Variants in CSNK1A1 observed in about 807,000 individuals in gnomAD.
CSNK1A1 encodes the protein casein kinase I isoform alpha.
In CSNK1A1, 7 loss-of-function variants were observed where a neutral mutation model predicts 46.1. The observed-to-expected ratio is 0.15, with a 90% confidence interval of 0.09 to 0.29. CSNK1A1 has a LOEUF of 0.29. CSNK1A1 is among the 10% of genes least tolerant of loss of function. The pLI is 1.00. For missense variants in CSNK1A1, 96 were observed against 417.1 expected (o/e 0.23, Z 6.71); for synonymous variants, 137 against 141.5 (o/e 0.97, Z 0.23).
At chr5:149,540,932 T>G (rs1762209110) in intron 2 of CSNK1A1, among the ~76,000 whole-genome samples, 1 of 151,372 alleles carries the variant, frequency 6.6e-6, no homozygotes, top group African/African-American at 2.4e-5. Flanking sequence ...CAAAAAAAAT[T>G]AGCCGGGTAT....
intron 4 of CSNK1A1, among the ~76,000 whole-genome samples, chr5:149,515,371 A>G (rs1761367464): frequency 1.3e-5 from 2 of 152,224 alleles, no homozygotes; most frequent in South Asian, 4.1e-4. Flanking sequence ...CAACCAAAAG[A>G]CTGCTTTATA....
intron 9 of CSNK1A1, chr5:149,503,129 T>C (rs1760924669): frequency 1.0e-6 from 1 of 985,316 alleles, no homozygotes; most frequent in Admixed American, 6.1e-5. Flanking sequence ...TTAAATGCCC[T>C]TGTTACTTAG....
At chr5:149,518,739 G>C (rs927449630) in intron 4 of CSNK1A1, among the ~76,000 whole-genome samples, 2 of 150,778 alleles carry the variant, frequency 1.3e-5, no homozygotes, top group African/African-American at 4.9e-5. Context: ...TTCACCACTA[G>C]ATAACTTACA....
intron 9 of CSNK1A1, chr5:149,499,285 C>A: frequency 1.1e-6 from 1 of 875,968 alleles, no homozygotes; most frequent in Non-Finnish European, 1.3e-6. Flanking sequence ...GGAATGAATC[C>A]CTTTATTCCT....
At chr5:149,544,737 T>TTATA (rs375444306) in intron 2 of CSNK1A1, among the ~76,000 whole-genome samples, 8,256 of 80,554 alleles carry the variant, frequency 0.1, 629 homozygotes, top group African/African-American at 0.12. Flanking sequence ...GTAAAGAGCT[T>TTATA]TATATATATA....
At chr5:149,501,347 G>C (rs1373548440) in intron 9 of CSNK1A1, 1 of 985,310 alleles carries the variant, frequency 1.0e-6, no homozygotes, top group Non-Finnish European at 1.2e-6. Context: ...TGTATTCAGA[G>C]CAGTGTGTTC....
At chr5:149,511,555 T>C (rs1469642906) in intron 6 of CSNK1A1, among the ~76,000 whole-genome samples, 1 of 152,210 alleles carries the variant, frequency 6.6e-6, no homozygotes, top group East Asian at 1.9e-4. Flanking sequence ...AGCTAGTGGC[T>C]ACCAGTGGGT....
Position 149,505,444 on chromosome 5 carries a change from A to G in CSNK1A1, c.1006+3T>C. On this transcript the variant is annotated splice_donor_region_variant and intron_variant, in intron 9 of 9. Transcript: ENST00000377843. ...TAACGTCACTTGGTTCTTGGCTACT[A>G]ACCTTTCATGTTACTCTTGGTTTTG... 1 of 1,613,082 alleles carries G rather than the reference A, an allele frequency of 6.2e-7. No homozygotes were observed. Among genetic ancestry groups the G allele is most frequent in the Non-Finnish European group, 8.5e-7 (1 of 1,179,438 alleles).
At chr5:149,532,252 G>C (rs1156335647) in intron 2 of CSNK1A1, among the ~76,000 whole-genome samples, 1 of 152,088 alleles carries the variant, frequency 6.6e-6, no homozygotes, top group African/African-American at 2.4e-5. Flanking sequence ...GTAGTAATGA[G>C]TGTAAACTAT....
rs374341495 is a variant in CSNK1A1 at position 149,499,062 on chromosome 5, T to C, written c.1007-2202A>G. 6.3e-5 allele frequency: 62 copies of C among 985,434 alleles called. No individual in the cohort carries two copies. In the Middle Eastern group the frequency reaches 1.6e-3, roughly 25 times the overall value. The allele number at this position is 985,434 out of a possible 1,614,324, so 61.0% of individuals were successfully genotyped here. On this transcript the variant is annotated intron_variant, in intron 9 of 9. Coordinates refer to ENST00000377843, the MANE Select transcript of CSNK1A1 (RefSeq NM_001892.6). The stretch of plus-strand genomic sequence containing the variant: ...ATGACATTCCAGCCAGGGATCAACA[T>C]TTCTCCAGTGAATTGTCCTAAGATG...
At chr5:149,521,349 T>A (rs1404150541) in intron 3 of CSNK1A1, among the ~76,000 whole-genome samples, 2 of 151,148 alleles carry the variant, frequency 1.3e-5, no homozygotes, top group African/African-American at 4.9e-5. Context: ...AACTCACTGC[T>A]GCCTCAACCT....
intron 7 of CSNK1A1, among the ~76,000 whole-genome samples, chr5:149,509,436 G>A (rs570422654): frequency 6.6e-6 from 1 of 151,396 alleles, no homozygotes; most frequent in African/African-American, 2.4e-5. Context: ...GAGTGCAGTG[G>A]CACAATCTCA....
At chr5:149,549,432 T>C (rs1174235219) in intron 2 of CSNK1A1, 3 of 702,048 alleles carry the variant, frequency 4.3e-6, no homozygotes, top group East Asian at 2.7e-5. Context: ...ACTGTCACTA[T>C]GCCATCTCCT....
intron 2 of CSNK1A1, among the ~76,000 whole-genome samples, chr5:149,528,560 C>T (rs951038027): frequency 6.6e-6 from 1 of 152,188 alleles, no homozygotes; most frequent in African/African-American, 2.4e-5. Flanking sequence ...CTTACTTATT[C>T]TTAGTTTCTA....
intron 2 of CSNK1A1, among the ~76,000 whole-genome samples, chr5:149,533,129 G>C (rs529762435): frequency 1.3e-5 from 2 of 152,188 alleles, no homozygotes; most frequent in African/African-American, 2.4e-5. Context: ...TCAAAGATAT[G>C]TAGATGTTCC....
chr5:149,551,040 C>A lies in CSNK1A1; in HGVS notation c.-76G>T. 2.6e-6 allele frequency: 4 copies of A among 1,559,784 alleles called. No homozygotes were observed. In the South Asian group the frequency reaches 4.5e-5, roughly 17 times the overall value. On this transcript the variant is annotated 5_prime_UTR_variant, in exon 1 of 10. Transcript: ENST00000377843. ...GAGGACGGAGGCCTCGGGGCTCCTACACTAGGCAAGGCTACGGAGGAGGGC... is the reference window on the plus strand; with the variant it reads ...GAGGACGGAGGCCTCGGGGCTCCTAAACTAGGCAAGGCTACGGAGGAGGGC...
At chr5:149,498,537 A>C in intron 9 of CSNK1A1, 1 of 985,304 alleles carries the variant, frequency 1.0e-6, no homozygotes, top group Non-Finnish European at 1.2e-6. Flanking sequence ...AAAAAGAAAA[A>C]AAGTACAATA....
At chr5:149,547,277 C>A (rs1762511971) in intron 2 of CSNK1A1, among the ~76,000 whole-genome samples, 1 of 152,280 alleles carries the variant, frequency 6.6e-6, no homozygotes, top group Middle Eastern at 3.4e-3. Flanking sequence ...CTGCACTCAC[C>A]ACCTTATAAT....
intron 9 of CSNK1A1, chr5:149,501,708 T>C (rs1211120362): frequency 1.0e-6 from 1 of 985,336 alleles, no homozygotes; most frequent in African/African-American, 1.7e-5. Context: ...TTGGGTTCAC[T>C]ACCTTCTGAA....
Sources: allele counts gnomAD v4.1 joint callset (sites outside exome capture counted in the v4.1 genomes callset), GRCh38; gene constraint gnomAD v4.1.1; transcripts MANE v1.5; gene names NCBI Gene and HGNC (gene_info 2026-07-23, HGNC 2026-07-21).